ADCY9: variants seen among roughly 807,000 people sequenced by gnomAD.
ADCY9 encodes adenylate cyclase type 9.
ADCY9 carries 50 observed loss-of-function variants against 101.5 expected under a neutral mutation model. The ratio of observed to expected loss-of-function variants is 0.49; its 90% CI spans 0.39 to 0.62. The LOEUF (loss-of-function observed/expected upper bound fraction) is 0.62, where lower values mean the gene tolerates loss of function less well. ADCY9 is among the 20% of genes least tolerant of loss of function. The pLI is 0.00. For synonymous variants in ADCY9, 905 were observed against 769.3 expected, an observed-to-expected ratio of 1.18 and a Z score of -2.92; for missense variants, 1,662 against 1,800.4, an observed-to-expected ratio of 0.92 and a Z score of 1.39.
In ADCY9 at chr16:4,114,364, C is replaced by T. The variant is rs1314132001; in HGVS notation, c.1079G>A (p.Arg360Lys). 4 of 1,614,030 alleles carry T rather than the reference C, an allele frequency of 2.5e-6. No individual in the cohort carries two copies. The Admixed American group carries it at 5.0e-5, about 20-fold the overall frequency. ...GDEESENSVKRHATSSPKNRK... is the reference protein window; with the variant it reads ...GDEESENSVKKHATSSPKNRK... ...GTTCTTGGGGCTCGAGGTGGCATGC[C>T]TCTTGACAGAATTCTCACTCTCCTC... The change falls in exon 2 of 11, where the codon AGG becomes AAG. Residue 360 changes from arginine (R) to lysine (K), a missense_variant. Physicochemically the swap from Arg to Lys is conservative, Grantham distance 26. This residue lies in a region of ADCY9 where 228 missense variants were observed against 301.1 expected (regional missense o/e 0.76). Coordinates refer to ENST00000294016, the MANE Select transcript of ADCY9 (RefSeq NM_001116.4). The surrounding 1 kb of genome is among the most constrained non-coding windows in gnomAD (Gnocchi z 4.3).
intron 3 of ADCY9, among the ~76,000 whole-genome samples, chr16:3,997,523 T>G (rs548820531): frequency 6.6e-6 from 1 of 152,310 alleles, no homozygotes; most frequent in East Asian, 1.9e-4. Context: ...AGAAGTGAGG[T>G]CTGGCAGAGC....
Position 3,967,427 on chromosome 16 carries a change from G to A in ADCY9, c.2871-461C>T, listed in dbSNP as rs145636307. Among the ~76,000 whole-genome samples, 362 of 150,964 alleles carry A rather than the reference G, an allele frequency of 2.4e-3. 3 individuals are homozygous for A. The highest frequency in any genetic ancestry group is 8.6e-3 in the African/African-American group (354 of 41,046). On this transcript the variant is annotated intron_variant, in intron 10 of 10. Transcript: ENST00000294016. The stretch of plus-strand genomic sequence containing the variant: ...CCTTTGTTTTTTTAGAGACATGGTT[G>A]TTGTCCAGGCTGGAGTGCAATGGCA...
intron 2 of ADCY9, among the ~76,000 whole-genome samples, chr16:4,108,190 C>G (rs999632362): frequency 7.2e-5 from 11 of 151,974 alleles, no homozygotes; most frequent in African/African-American, 2.4e-4. Flanking sequence ...CATTTTCTGT[C>G]TTTGTGACCC....
intron 2 of ADCY9, among the ~76,000 whole-genome samples, chr16:4,090,578 G>A (rs974761256): frequency 6.6e-6 from 1 of 152,044 alleles, no homozygotes; most frequent in Non-Finnish European, 1.5e-5. Flanking sequence ...AGCAGGCAGA[G>A]TCCTGGCTGG....
At position 4,109,607 on chromosome 16, in the gene ADCY9, C is replaced by T. The variant is rs577476609; in HGVS notation, c.1693+4143G>A. Among the ~76,000 whole-genome samples, 3 of 152,252 alleles carry T rather than the reference C, an allele frequency of 2.0e-5. No homozygotes were observed. In the South Asian group the frequency reaches 6.2e-4, roughly 32 times the overall value. On this transcript the variant is annotated intron_variant, in intron 2 of 10. Coordinates refer to ENST00000294016, the MANE Select transcript of ADCY9 (RefSeq NM_001116.4). Reference sequence around the variant, plus strand: ...AAGTCACTTCCAGAAACTTAAAATGCCATTTCCCATTCACATGGTCAAGCC... The same window carrying T: ...AAGTCACTTCCAGAAACTTAAAATGTCATTTCCCATTCACATGGTCAAGCC...
At chr16:4,002,511 T>C (rs1220572082) in intron 3 of ADCY9, among the ~76,000 whole-genome samples, 1 of 152,152 alleles carries the variant, frequency 6.6e-6, no homozygotes, top group Non-Finnish European at 1.5e-5. Flanking sequence ...TAAATCTACA[T>C]CACTAGCTTC....
At chr16:3,955,336 G>A (rs2055901424) in intron 5 of ADCY9, among the ~76,000 whole-genome samples, 1 of 151,944 alleles carries the variant, frequency 6.6e-6, no homozygotes, top group Non-Finnish European at 1.5e-5. Flanking sequence ...ACTAGCCTGA[G>A]CAACATAGTG....
intron 2 of ADCY9, among the ~76,000 whole-genome samples, chr16:4,111,794 T>C (rs1441457662): frequency 6.7e-6 from 1 of 150,020 alleles, no homozygotes; most frequent in South Asian, 2.1e-4. Flanking sequence ...AAAGTTAATT[T>C]ACCAAATTTA....
chr16:4,081,048 T>A (rs113377357), intron 2 of ADCY9, among the ~76,000 whole-genome samples: 2 of 152,148 alleles, frequency 1.3e-5, no homozygotes, highest in Admixed American at 1.3e-4. Flanking sequence ...GAAAACACTA[T>A]TTTTAAACCG....
intron 2 of ADCY9, among the ~76,000 whole-genome samples, chr16:4,081,665 A>C (rs911794989): frequency 6.6e-6 from 1 of 151,872 alleles, no homozygotes; most frequent in Non-Finnish European, 1.5e-5. Context: ...CATGTTCAAC[A>C]TCACAGCACA....
intron 2 of ADCY9, among the ~76,000 whole-genome samples, chr16:4,012,567 T>C (rs757178003): frequency 7.2e-5 from 11 of 152,058 alleles, no homozygotes; most frequent in Non-Finnish European, 1.5e-4. Context: ...TGGTTATCCA[T>C]TGATTTTAAA....
intron 3 of ADCY9, among the ~76,000 whole-genome samples, chr16:4,000,884 G>C (rs1597156421): frequency 6.6e-6 from 1 of 151,352 alleles, no homozygotes; most frequent in African/African-American, 2.4e-5. Context: ...TTTGGCATCT[G>C]GGGAAATTTC....
At chr16:4,038,184 G>A (rs1377226759) in intron 2 of ADCY9, among the ~76,000 whole-genome samples, 1 of 152,104 alleles carries the variant, frequency 6.6e-6, no homozygotes, top group Non-Finnish European at 1.5e-5. Context: ...GGGAGGCTGA[G>A]GTGGGGGGAT....
chr16:4,114,896 C>G lies in ADCY9; in HGVS notation c.547G>C (p.Val183Leu). The G allele has an allele frequency of 6.2e-7, 1 of 1,613,838 alleles. No individual in the cohort carries two copies. The highest frequency in any genetic ancestry group is 8.5e-7 in the Non-Finnish European group (1 of 1,180,040). ...TGCGCAGCCAGGGTCAGGGCGAACA[C>G]CAGCAGGGTGAGAGCCAGCGAGGTC... ...AWTSLALTLL[V>L]FALTLAAQFQ... is the part of the protein sequence containing the mutation. Residue 183 changes from valine (V) to leucine (L), a missense_variant, in exon 2 of 11, where the codon GTG becomes CTG. Transcript: ENST00000294016. This position sits in a 1 kb window ranked among gnomAD's most constrained non-coding sequence, Gnocchi z 4.3.
In ADCY9 at chr16:3,966,654, G is replaced by A. The variant is rs1475139026; in HGVS notation, c.3183C>T (p.Phe1061=). 5.6e-6 allele frequency: 9 copies of A among 1,614,048 alleles called. No individual in the cohort carries two copies. The highest frequency in any genetic ancestry group is 1.7e-5 in the Admixed American group (1 of 60,000). ...SKNHDSGGVI[F]ASIVNFSEFY... is the part of the protein sequence containing the mutation. The stretch of plus-strand genomic sequence containing the variant: ...ACTCGCTGAAGTTGACGATGCTGGC[G>A]AAGATCACCCCTCCGCTGTCATGGT... Residue 1061 remains phenylalanine, a synonymous_variant, in exon 11 of 11, where the codon TTC becomes TTT. Transcript: ENST00000294016.
rs112073436 is a variant in ADCY9 at position 4,109,938 on chromosome 16, T to C, written c.1693+3812A>G. On this transcript the variant is annotated intron_variant, in intron 2 of 10. Coordinates refer to ENST00000294016, the MANE Select transcript of ADCY9 (RefSeq NM_001116.4). Reference sequence around the variant, plus strand: ...CCCACGCTACCCATGGCCTTCCTTGTCCTGATGAACAACTAACAATCGTCC... The same window carrying C: ...CCCACGCTACCCATGGCCTTCCTTGCCCTGATGAACAACTAACAATCGTCC... Among the ~76,000 whole-genome samples, 727 of 152,194 alleles carry C rather than the reference T, an allele frequency of 4.8e-3. 6 individuals are homozygous for C. The highest frequency in any genetic ancestry group is 0.017 in the African/African-American group (692 of 41,526).
At chr16:3,967,348 C>CTTTTTCT (rs1555505465) in intron 10 of ADCY9, among the ~76,000 whole-genome samples, 1 of 150,730 alleles carries the variant, frequency 6.6e-6, no homozygotes, top group Admixed American at 6.6e-5. Context: ...TTTTCTTTTT[C>CTTTTTCT]TTTTTTTTTA....
chr16:4,044,685 T>A (rs535468845), intron 2 of ADCY9, among the ~76,000 whole-genome samples: 1 of 152,214 alleles, frequency 6.6e-6, no homozygotes, highest in Non-Finnish European at 1.5e-5. Flanking sequence ...AGAAGGCTGA[T>A]CTATTTTCAG....
intron 6 of ADCY9, 26 bp downstream of exon 6, chr16:3,988,968 A>T (rs758247604): frequency 6.5e-7 from 1 of 1,547,304 alleles, no homozygotes; most frequent in East Asian, 2.2e-5. Flanking sequence ...ATTCTTTAGT[A>T]AAAGCGCAAG....
Sources: gnomAD v4.1 joint callset for allele counts (sites outside exome capture counted in the v4.1 genomes callset) on GRCh38, gnomAD v4.1.1 for gene constraint, gnomAD v4.1.1 regional missense constraint, Gnocchi (gnomAD v3.1) non-coding constraint, MANE v1.5 for transcripts, NCBI Gene and HGNC (gene_info 2026-07-23, HGNC 2026-07-21) for gene names.